FBN2: variants seen among roughly 807,000 people sequenced by gnomAD.
The protein encoded by FBN2 is fibrillin-2.
In FBN2, 105 loss-of-function variants were observed where a neutral mutation model predicts 355.6. The observed-to-expected ratio is 0.30, with a 90% confidence interval of 0.25 to 0.35. The LOEUF (loss-of-function observed/expected upper bound fraction) is 0.35, where lower values mean the gene tolerates loss of function less well. Among genes scored for constraint, FBN2 ranks in the 10% least tolerant of loss-of-function variants. FBN2 has a pLI of 1.00. For synonymous variants in FBN2, 1,350 were observed against 1,301.2 expected, an observed-to-expected ratio of 1.04 and a Z score of -0.81; for missense variants, 3,280 against 3,758.7, an observed-to-expected ratio of 0.87 and a Z score of 3.33.
At chr5:128,288,980 G>T (rs1199553601) in intron 52 of FBN2, 147 bp downstream of exon 52, 3 of 794,788 alleles carry the variant, frequency 3.8e-6, no homozygotes, top group Admixed American at 4.1e-5. Flanking sequence ...ACTGGAAAAT[G>T]TAAGACTGGT....
At chr5:128,532,684 A>G (rs1756739258) in intron 2 of FBN2, among the ~76,000 whole-genome samples, 1 of 152,186 alleles carries the variant, frequency 6.6e-6, no homozygotes, top group African/African-American at 2.4e-5. Context: ...TAACTCACTA[A>G]TTGTTTTTCT....
At chr5:128,500,302 AAAG>A (rs774131757) in intron 5 of FBN2, among the ~76,000 whole-genome samples, 1 of 152,106 alleles carries the variant, frequency 6.6e-6, no homozygotes, top group Non-Finnish European at 1.5e-5. Flanking sequence ...GTCAGCAGCT[AAAG>A]AAGAAATATG....
intron 25 of FBN2, among the ~76,000 whole-genome samples, chr5:128,342,609 C>T (rs1456430547): frequency 6.6e-6 from 1 of 152,108 alleles, no homozygotes; most frequent in African/African-American, 2.4e-5. Flanking sequence ...AGGAGCGAAC[C>T]TGCTGAGACA....
chr5:128,475,069 G>A (rs1754974487), intron 5 of FBN2, among the ~76,000 whole-genome samples: 1 of 152,168 alleles, frequency 6.6e-6, no homozygotes, highest in Non-Finnish European at 1.5e-5. Context: ...CAGTGGTGGT[G>A]GTGGTAGTGG....
At chr5:128,521,810 T>C (rs1756440630) in intron 4 of FBN2, among the ~76,000 whole-genome samples, 1 of 152,142 alleles carries the variant, frequency 6.6e-6, no homozygotes, top group Non-Finnish European at 1.5e-5. Context: ...AAGTTTCCAA[T>C]TCGCAGGTAG....
chr5:128,424,880 C>T (rs1753445269), intron 7 of FBN2, among the ~76,000 whole-genome samples: 4 of 152,106 alleles, frequency 2.6e-5, no homozygotes, highest in Admixed American at 6.6e-5. Flanking sequence ...ATCTCTGTTT[C>T]AAAATACATA....
Position 128,291,397 on chromosome 5 carries a change from A to G in FBN2, c.6292+132T>C, listed in dbSNP as rs546134605. 33 of 1,023,494 alleles carry G rather than the reference A, an allele frequency of 3.2e-5. 1 individual carries two copies. The South Asian group carries it at 3.9e-4, about 12-fold the overall frequency. 63.4% of individuals were successfully genotyped at this position (1,023,494 alleles called of 1,614,324 possible). Reference sequence around the variant, plus strand: ...GTTCATTGCTTATGTTTGAGACCTAAATTTTTAACTTGCAGATGTATTTTA... The same window carrying G: ...GTTCATTGCTTATGTTTGAGACCTAGATTTTTAACTTGCAGATGTATTTTA... On this transcript the variant is annotated intron_variant, in intron 49 of 64. Coordinates refer to ENST00000262464, the MANE Select transcript of FBN2 (RefSeq NM_001999.4).
chr5:128,415,416 A>G (rs1463341350), intron 7 of FBN2, among the ~76,000 whole-genome samples: 2 of 152,124 alleles, frequency 1.3e-5, no homozygotes, highest in African/African-American at 4.8e-5. Context: ...TCACTCCATG[A>G]GATCAATTTT....
chr5:128,416,325 C>T (rs1219918778), intron 7 of FBN2, among the ~76,000 whole-genome samples: 1 of 152,128 alleles, frequency 6.6e-6, no homozygotes, highest in African/African-American at 2.4e-5. Context: ...GAGCCCGAAC[C>T]CATAGTTTGC....
intron 56 of FBN2, among the ~76,000 whole-genome samples, chr5:128,279,374 A>C (rs1398153951): frequency 1.3e-5 from 2 of 152,148 alleles, no homozygotes; most frequent in Non-Finnish European, 2.9e-5. Flanking sequence ...AGTTTTATAA[A>C]CAATCCTAGC....
chr5:128,402,666 A>G (rs1156371902), intron 8 of FBN2, among the ~76,000 whole-genome samples: 4 of 152,190 alleles, frequency 2.6e-5, no homozygotes, highest in African/African-American at 9.6e-5. Flanking sequence ...GGGTTCAGCC[A>G]GAAAACACCA....
intron 5 of FBN2, among the ~76,000 whole-genome samples, chr5:128,495,975 A>G (rs1015001740): frequency 2.6e-5 from 4 of 152,134 alleles, no homozygotes; most frequent in African/African-American, 9.6e-5. Context: ...AGAAAATTGG[A>G]TTTTCCAATT....
intron 5 of FBN2, among the ~76,000 whole-genome samples, chr5:128,505,359 C>T (rs1047353800): frequency 2.6e-5 from 4 of 152,108 alleles, no homozygotes; most frequent in African/African-American, 9.7e-5. Context: ...TTTCCCTAAC[C>T]ACAAGTAGAA....
intron 15 of FBN2, among the ~76,000 whole-genome samples, chr5:128,369,679 T>C (rs1751880147): frequency 6.6e-6 from 1 of 152,188 alleles, no homozygotes; most frequent in Non-Finnish European, 1.5e-5. Flanking sequence ...CTATGCTATA[T>C]TCAAAATGAC....
At chr5:128,342,434 T>A (rs1020650392) in intron 25 of FBN2, among the ~76,000 whole-genome samples, 2 of 151,864 alleles carry the variant, frequency 1.3e-5, no homozygotes, top group African/African-American at 2.4e-5. Context: ...AGGGCAAAAG[T>A]CAAAATTACA....
rs1267783939 is a variant in FBN2 at position 128,453,994 on chromosome 5, C to CA, written c.827-7389_827-7388insT. Among the ~76,000 whole-genome samples, 4 of 150,854 alleles carry CA rather than the reference C, an allele frequency of 2.7e-5. No individual in the cohort carries two copies. The East Asian group carries it at 5.9e-4, about 22-fold the overall frequency. On this transcript the variant is annotated intron_variant, in intron 6 of 64. Transcript: ENST00000262464. ...TAGAATACTCAGAAATGGCTTGCCC[C>CA]CCCCCCAAGTTTCTCCTTCCATTAC...
At chr5:128,536,345 G>C in intron 2 of FBN2, 57 bp downstream of exon 2, 3 of 1,381,322 alleles carry the variant, frequency 2.2e-6, no homozygotes, top group Non-Finnish European at 3.1e-6. Flanking sequence ...GCAAGAGGTC[G>C]GCCGGAGATA....
chr5:128,499,792 TTC>T (rs1026732147), intron 5 of FBN2, among the ~76,000 whole-genome samples: 32 of 151,904 alleles, frequency 2.1e-4, no homozygotes, highest in African/African-American at 7.8e-4. Context: ...CAGAACTTAA[TTC>T]TTTTTTTTTT....
chr5:128,385,467 C>A (rs1752343848), intron 11 of FBN2, among the ~76,000 whole-genome samples: 1 of 152,114 alleles, frequency 6.6e-6, no homozygotes, highest in African/African-American at 2.4e-5. Context: ...CACTGATGGG[C>A]ATTTAGGCTG....
Sources: allele counts gnomAD v4.1 joint callset (sites outside exome capture counted in the v4.1 genomes callset), GRCh38; gene constraint gnomAD v4.1.1; transcripts MANE v1.5; gene names NCBI Gene and HGNC (gene_info 2026-07-23, HGNC 2026-07-21).